RIPOR2: variants seen among roughly 807,000 people sequenced by gnomAD.
RIPOR2 encodes the protein RHO family interacting cell polarization regulator 2.
In RIPOR2, 39 loss-of-function variants were observed where a neutral mutation model predicts 114.5. The observed-to-expected ratio is 0.34, with a 90% CI of 0.26 to 0.44. The LOEUF (loss-of-function observed/expected upper bound fraction) is 0.44. Among genes scored for constraint, RIPOR2 ranks in the 20% least tolerant of loss-of-function variants. RIPOR2 has a pLI of 1.00. For synonymous variants in RIPOR2, 445 were observed against 484.4 expected, an observed-to-expected ratio of 0.92 and a Z score of 1.07; for missense variants, 1,007 against 1,255.1, an observed-to-expected ratio of 0.80 and a Z score of 2.99.
Position 24,839,371 on chromosome 6 carries a change from T to C in RIPOR2, c.1858-99A>G. 7 of 1,445,616 alleles carry C rather than the reference T, an allele frequency of 4.8e-6. No homozygotes were observed. The South Asian group carries it at 9.0e-5, about 19-fold the overall frequency. The allele number at this position is 1,445,616 out of a possible 1,614,324, so 89.5% of individuals were successfully genotyped here. ...GGAGATGCCACACTTTTTTTTTTGT[T>C]TCAAGTTTTTATTTTTTGTTAGCAT... is the stretch of plus-strand genomic sequence containing the variant. On this transcript the variant is annotated intron_variant, in intron 13 of 21. Coordinates refer to ENST00000643898, the MANE Select transcript of RIPOR2 (RefSeq NM_001286445.3).
At chr6:24,903,855 A>G (rs1156396655) in intron 1 of RIPOR2, among the ~76,000 whole-genome samples, 1 of 152,206 alleles carries the variant, frequency 6.6e-6, no homozygotes, top group Admixed American at 6.5e-5. Context: ...GCCACATGCT[A>G]CTGTCCCTCA....
chr6:24,926,217 A>G (rs1188798383), intron 1 of RIPOR2, among the ~76,000 whole-genome samples: 1 of 152,212 alleles, frequency 6.6e-6, no homozygotes, highest in Non-Finnish European at 1.5e-5. Context: ...AACTCTGTAA[A>G]GTGGTGATGG....
At chr6:24,976,914 G>C in intron 1 of RIPOR2, 1 of 1,599,400 alleles carries the variant, frequency 6.3e-7, no homozygotes, top group South Asian at 1.1e-5. Flanking sequence ...GCCATGGAGC[G>C]CTTTGGGTCC....
intron 13 of RIPOR2, among the ~76,000 whole-genome samples, chr6:24,841,616 TA>T (rs143690849): frequency 0.063 from 3,096 of 49,282 alleles, 118 homozygotes; most frequent in African/African-American, 0.2. Flanking sequence ...ACAATCACCA[TA>T]TTTTTTTTTT....
Position 24,917,008 on chromosome 6 carries a change from T to C in RIPOR2, c.61+18830A>G, listed in dbSNP as rs952680039. ...TGGGAAATAAAATATTCTCTAAATA[T>C]AGCAGTCTCCTTCTCTCCAGAAACT... is the stretch of plus-strand genomic sequence containing the variant. On this transcript the variant is annotated intron_variant, in intron 1 of 21. Transcript: ENST00000643898. Among the ~76,000 whole-genome samples the C allele has an allele frequency of 1.4e-4, 22 of 152,338 alleles. 2 individuals carry two copies. The South Asian group carries it at 2.3e-3, about 16-fold the overall frequency.
At chr6:24,852,118 C>T (rs1019730490) in intron 9 of RIPOR2, among the ~76,000 whole-genome samples, 9 of 152,044 alleles carry the variant, frequency 5.9e-5, no homozygotes, top group Admixed American at 2.6e-4. Context: ...AAAAATTAGC[C>T]GGCTGTGGTG....
At chr6:24,856,132 T>A (rs900481620) in intron 8 of RIPOR2, among the ~76,000 whole-genome samples, 6 of 143,564 alleles carry the variant, frequency 4.2e-5, no homozygotes, top group Non-Finnish European at 7.6e-5. Context: ...GCAAAAAAGG[T>A]CCCCGGATGC....
intron 17 of RIPOR2, among the ~76,000 whole-genome samples, chr6:24,829,920 G>A (rs1461229592): frequency 1.3e-5 from 2 of 152,146 alleles, no homozygotes; most frequent in African/African-American, 4.8e-5. Context: ...TGGTGAAATT[G>A]TAATGAAAGA....
chr6:24,899,929 A>G (rs1161155634), intron 1 of RIPOR2, among the ~76,000 whole-genome samples: 2 of 152,238 alleles, frequency 1.3e-5, no homozygotes, highest in Non-Finnish European at 2.9e-5. Flanking sequence ...ATGATAGGGC[A>G]TCTTTGCAGA....
intron 6 of RIPOR2, among the ~76,000 whole-genome samples, chr6:24,867,990 G>GT (rs1323327859): frequency 6.6e-6 from 1 of 152,114 alleles, no homozygotes; most frequent in Non-Finnish European, 1.5e-5. Flanking sequence ...TTTTCTTGCT[G>GT]TTTTTTGAAT....
chr6:25,007,185 AATAG>A (rs2113667432), intron 1 of RIPOR2, among the ~76,000 whole-genome samples: 1 of 152,320 alleles, frequency 6.6e-6, no homozygotes, highest in East Asian at 1.9e-4. Context: ...TAATATCTTC[AATAG>A]ATAAAGAAAA....
At chr6:24,867,038 A>C (rs1485994470) in intron 6 of RIPOR2, among the ~76,000 whole-genome samples, 2 of 152,246 alleles carry the variant, frequency 1.3e-5, no homozygotes, top group Non-Finnish European at 2.9e-5. Context: ...CTCTACACAG[A>C]TATCAATGAC....
chr6:24,901,642 T>G (rs1275659879), intron 1 of RIPOR2, among the ~76,000 whole-genome samples: 1 of 152,102 alleles, frequency 6.6e-6, no homozygotes, highest in Non-Finnish European at 1.5e-5. Flanking sequence ...CTGAGGACAT[T>G]AGTCGTGTTG....
At chr6:24,967,355 G>A (rs1773571351) in intron 1 of RIPOR2, among the ~76,000 whole-genome samples, 1 of 152,222 alleles carries the variant, frequency 6.6e-6, no homozygotes, top group Non-Finnish European at 1.5e-5. Context: ...TATTGTCCAA[G>A]TACAGTATAA....
chr6:24,945,558 G>A (rs773125231), intron 1 of RIPOR2, among the ~76,000 whole-genome samples: 16 of 152,114 alleles, frequency 1.1e-4, no homozygotes, highest in South Asian at 2.1e-4. Flanking sequence ...CTGTGTTGAC[G>A]GGCATATAAT....
intron 1 of RIPOR2, chr6:24,976,629 T>A: frequency 6.2e-7 from 1 of 1,609,706 alleles, no homozygotes; most frequent in Non-Finnish European, 8.5e-7. Flanking sequence ...GATTTGGTTA[T>A]AAGGGTTCCT....
chr6:24,896,643 GCCTGTAAT>G (rs1322981834), intron 1 of RIPOR2, among the ~76,000 whole-genome samples: 1 of 152,194 alleles, frequency 6.6e-6, no homozygotes, highest in East Asian at 1.9e-4. Context: ...GGTGGCTCAC[GCCTGTAAT>G]CCCAGCACTT....
chr6:24,946,304 A>G (rs1431677410), intron 1 of RIPOR2, among the ~76,000 whole-genome samples: 2 of 152,046 alleles, frequency 1.3e-5, no homozygotes, highest in Non-Finnish European at 1.5e-5. Context: ...CAAACTCTTG[A>G]CCTCAGGCCA....
At chr6:24,977,688 T>C (rs919315631) in intron 1 of RIPOR2, among the ~76,000 whole-genome samples, 5 of 152,192 alleles carry the variant, frequency 3.3e-5, no homozygotes, top group African/African-American at 9.6e-5. Flanking sequence ...AGGGTAGCTA[T>C]GGTCCTGTTG....
Sources: gnomAD v4.1 joint callset for allele counts (sites outside exome capture counted in the v4.1 genomes callset) on GRCh38, gnomAD v4.1.1 for gene constraint, MANE v1.5 for transcripts, NCBI Gene and HGNC (gene_info 2026-07-23, HGNC 2026-07-21) for gene names.